Variants in CLVS1 observed in about 807,000 individuals in gnomAD.
CLVS1 encodes clavesin-1.
A neutral mutation model predicts 33.1 loss-of-function variants in CLVS1; 10 were observed. That is an observed-to-expected ratio of 0.30 (90% confidence interval 0.19 to 0.51). The LOEUF (loss-of-function observed/expected upper bound fraction) is 0.51, where lower values mean the gene tolerates loss of function less well. Ranked by LOEUF, CLVS1 falls within the 20% of genes least tolerant of loss-of-function variation. CLVS1 has a pLI of 0.97. For synonymous variants in CLVS1, 163 were observed against 166.1 expected (o/e 0.98, Z 0.14); for missense variants, 343 against 433.4 (o/e 0.79, Z 1.85).
intron 2 of CLVS1, among the ~76,000 whole-genome samples, chr8:61,161,321 C>G (rs1382895067): frequency 2.0e-5 from 3 of 152,094 alleles, no homozygotes; most frequent in African/African-American, 7.2e-5. Flanking sequence ...CTGGCTATAT[C>G]CCAAAAAAAT....
intron 1 of CLVS1, among the ~76,000 whole-genome samples, chr8:61,062,535 G>A (rs1342397316): frequency 6.6e-6 from 1 of 152,144 alleles, no homozygotes; most frequent in Non-Finnish European, 1.5e-5. Flanking sequence ...GAAGCCTATT[G>A]CAATAAGCCT....
chr8:61,332,294 A>T (rs903520266), intron 2 of CLVS1, among the ~76,000 whole-genome samples: 3 of 151,986 alleles, frequency 2.0e-5, no homozygotes, highest in Admixed American at 6.6e-5. Flanking sequence ...CAGACAGTAG[A>T]TTCTTCCTCT....
intron 4 of CLVS1, among the ~76,000 whole-genome samples, chr8:61,457,082 C>T (rs1036478436): frequency 1.5e-4 from 23 of 151,832 alleles, no homozygotes; most frequent in African/African-American, 4.3e-4. Flanking sequence ...GGATTACAGG[C>T]GTGCCCCACC....
intron 1 of CLVS1, among the ~76,000 whole-genome samples, chr8:61,117,019 C>T (rs1805738131): frequency 1.5e-5 from 2 of 136,942 alleles, no homozygotes; most frequent in Non-Finnish European, 3.1e-5. Context: ...AATGTTCTTC[C>T]ATTTGTTTGT....
chr8:61,280,162 A>T (rs552196515), intron 2 of CLVS1, among the ~76,000 whole-genome samples: 2,106 of 152,308 alleles, frequency 0.014, 14 homozygotes, highest in Non-Finnish European at 0.016. Flanking sequence ...GTTCTTTTGG[A>T]ATTCAAAATG....
Position 61,102,843 on chromosome 8 carries a change from T to C in CLVS1, c.-242-28927T>C, listed in dbSNP as rs149869750. Among the ~76,000 whole-genome samples the C allele has an allele frequency of 5.3e-5, 8 of 151,124 alleles. No individual in the cohort carries two copies. In the East Asian group the frequency reaches 1.4e-3, roughly 26 times the overall value. ...GAGGAAATAGAAGAGGAAAGAGCAG[T>C]TGGAGGAGGAGGAGAAGGAAAAGGA... On this transcript the variant is annotated intron_variant, in intron 1 of 2. Transcript: ENST00000522621.
chr8:61,126,473 A>G (rs772405901), intron 1 of CLVS1, among the ~76,000 whole-genome samples: 19 of 152,246 alleles, frequency 1.2e-4, no homozygotes, highest in Non-Finnish European at 2.2e-4. Flanking sequence ...TGTTACAACT[A>G]GATTTAGTAT....
chr8:61,063,302 A>AGAGAGAGAGAGAGAGAGAGG, intron 1 of CLVS1, among the ~76,000 whole-genome samples: 1 of 143,710 alleles, frequency 7.0e-6, no homozygotes, highest in Non-Finnish European at 1.5e-5. Flanking sequence ...AGATAGAGAG[A>AGAGAGAGAGAGAGAGAGAGG]GAGAGAGAAC....
At chr8:60,984,864 G>A in the CLVS1 span, among the ~76,000 whole-genome samples, 1 of 152,112 alleles carries the variant, frequency 6.6e-6, no homozygotes, top group South Asian at 2.1e-4. Context: ...TGACAGAGCT[G>A]CTCCTGGAAT....
At chr8:60,982,667 A>G in the CLVS1 span, among the ~76,000 whole-genome samples, 4 of 152,190 alleles carry the variant, frequency 2.6e-5, no homozygotes, top group African/African-American at 7.2e-5. Context: ...GGAATCCTTG[A>G]CTAAATAAGT....
intron 2 of CLVS1, among the ~76,000 whole-genome samples, chr8:61,201,079 CT>C (rs1340848929): frequency 6.6e-6 from 1 of 152,136 alleles, no homozygotes; most frequent in Non-Finnish European, 1.5e-5. Context: ...TCATTTGCCC[CT>C]ATAACTCACA....
chr8:61,242,338 ATC>A (rs1376175566), intron 2 of CLVS1, among the ~76,000 whole-genome samples: 1 of 151,870 alleles, frequency 6.6e-6, no homozygotes, highest in East Asian at 1.9e-4. Context: ...TATTTTTCCA[ATC>A]TTTTTTCTCC....
chr8:61,360,409 A>G (rs1399997148), intron 2 of CLVS1, among the ~76,000 whole-genome samples: 1 of 152,184 alleles, frequency 6.6e-6, no homozygotes, highest in Non-Finnish European at 1.5e-5. Context: ...TTGAACAAAC[A>G]TTTTGTATGC....
intron 1 of CLVS1, among the ~76,000 whole-genome samples, chr8:61,125,228 C>T (rs1229206390): frequency 6.6e-6 from 1 of 152,182 alleles, no homozygotes; most frequent in African/African-American, 2.4e-5. Context: ...ACCATGCAGC[C>T]TTCCCCTTTC....
At chr8:61,337,662 C>T (rs1161426452) in intron 2 of CLVS1, among the ~76,000 whole-genome samples, 1 of 152,156 alleles carries the variant, frequency 6.6e-6, no homozygotes. Flanking sequence ...TCCCATACAA[C>T]CATTTAATCT....
At chr8:60,969,484 A>G in the CLVS1 span, among the ~76,000 whole-genome samples, 7 of 152,248 alleles carry the variant, frequency 4.6e-5, no homozygotes, top group Non-Finnish European at 8.8e-5. Flanking sequence ...TCTCTGTTTT[A>G]ATATTAATGC....
At chr8:61,299,391 A>C (rs953603335) in intron 1 of CLVS1, among the ~76,000 whole-genome samples, 2 of 152,206 alleles carry the variant, frequency 1.3e-5, no homozygotes, top group African/African-American at 4.8e-5. Flanking sequence ...ATAAAAGTGC[A>C]TGCTATTGCT....
intron 3 of CLVS1, among the ~76,000 whole-genome samples, chr8:61,426,455 C>T (rs1241330300): frequency 2.0e-5 from 3 of 152,224 alleles, no homozygotes; most frequent in African/African-American, 7.2e-5. Context: ...CCCATCCCAA[C>T]ACTGTCACCT....
rs16927017 is a variant in CLVS1, at chr8:61,216,702, T to A, written c.-151-82975T>A. Reference sequence around the variant, plus strand: ...AACCCACAGTTTTCTGTTTCCATTATGATCTGGCCCCTCAACCTGTGCAAA... The same window carrying A: ...AACCCACAGTTTTCTGTTTCCATTAAGATCTGGCCCCTCAACCTGTGCAAA... On this transcript the variant is annotated intron_variant, in intron 2 of 2. Coordinates refer to the CLVS1 transcript ENST00000522621. Among the ~76,000 whole-genome samples the A allele has an allele frequency of 5.1e-3, 771 of 152,340 alleles. 11 individuals carry two copies. The highest frequency in any genetic ancestry group is 0.018 in the African/African-American group (735 of 41,568).
Sources: allele counts gnomAD v4.1 joint callset (sites outside exome capture counted in the v4.1 genomes callset), GRCh38; gene constraint gnomAD v4.1.1; transcripts MANE v1.5; gene names NCBI Gene and HGNC (gene_info 2026-07-23, HGNC 2026-07-21).